Variants in DAPK1 observed in about 807,000 individuals in gnomAD.
DAPK1 encodes the protein death-associated protein kinase 1.
DAPK1 carries 56 observed loss-of-function variants against 144.9 expected under a neutral mutation model. The ratio of observed to expected loss-of-function variants is 0.39; its 90% CI spans 0.31 to 0.48. DAPK1 has a LOEUF of 0.48. Ranked by LOEUF, DAPK1 falls within the 20% of genes least tolerant of loss-of-function variation. The pLI is 0.95. For missense variants in DAPK1, 1,454 were observed against 1,875.4 expected (o/e 0.78, Z 4.15); for synonymous variants, 690 against 749.0 (o/e 0.92, Z 1.29).
chr9:87,584,937 A>C (rs1215936286), intron 2 of DAPK1, among the ~76,000 whole-genome samples: 1 of 152,160 alleles, frequency 6.6e-6, no homozygotes, highest in Non-Finnish European at 1.5e-5. Flanking sequence ...TCGGCCTCTC[A>C]AAGTTCTGGG....
chr9:87,639,322 A>G (rs773846172), intron 4 of DAPK1, 32 bp from the exon 5 acceptor site: 2 of 1,565,746 alleles, frequency 1.3e-6, no homozygotes, highest in Admixed American at 4.0e-5. Context: ...AACATATCAT[A>G]GCTTTTTATT....
chr9:87,608,790 A>G (rs1287013295), intron 3 of DAPK1, among the ~76,000 whole-genome samples: 1 of 152,170 alleles, frequency 6.6e-6, no homozygotes, highest in Non-Finnish European at 1.5e-5. Flanking sequence ...AGCTGGCCAC[A>G]TCCTTCACAG....
intron 2 of DAPK1, among the ~76,000 whole-genome samples, chr9:87,529,250 T>G (rs1455735658): frequency 6.6e-6 from 1 of 152,208 alleles, no homozygotes; most frequent in Non-Finnish European, 1.5e-5. Flanking sequence ...TTCAATAAGC[T>G]TTCACTCCTG....
chr9:87,629,900 T>G (rs556501421), intron 3 of DAPK1, among the ~76,000 whole-genome samples: 2 of 152,162 alleles, frequency 1.3e-5, no homozygotes, highest in African/African-American at 4.8e-5. Context: ...AGCATCCACC[T>G]GCGTGCTGGG....
intron 21 of DAPK1, among the ~76,000 whole-genome samples, chr9:87,696,476 A>G (rs1825264490): frequency 6.6e-6 from 1 of 152,192 alleles, no homozygotes; most frequent in Non-Finnish European, 1.5e-5. Flanking sequence ...GTAATTGATA[A>G]GAAAAGCGGT....
chr9:87,589,354 C>G (rs1828047212), intron 2 of DAPK1, among the ~76,000 whole-genome samples: 1 of 152,122 alleles, frequency 6.6e-6, no homozygotes, highest in Admixed American at 6.5e-5. Context: ...TGCCCAGAAG[C>G]AAAACCTTCT....
intron 21 of DAPK1, among the ~76,000 whole-genome samples, chr9:87,691,334 A>G (rs1275315828): frequency 6.6e-6 from 1 of 151,946 alleles, no homozygotes; most frequent in African/African-American, 2.4e-5. Flanking sequence ...ATCAGTTGTA[A>G]TACCTTACTT....
At chr9:87,644,674 A>G (rs780136616) in intron 11 of DAPK1, among the ~76,000 whole-genome samples, 21 of 152,196 alleles carry the variant, frequency 1.4e-4, no homozygotes, top group Non-Finnish European at 2.6e-4. Flanking sequence ...AGATAATGAG[A>G]ATGATTAAAG....
chr9:87,563,893 A>C (rs536291661), intron 2 of DAPK1, among the ~76,000 whole-genome samples: 1 of 152,280 alleles, frequency 6.6e-6, no homozygotes, highest in East Asian at 1.9e-4. Flanking sequence ...GTTCGTGCCC[A>C]ATGGTTGATC....
At position 87,643,440 on chromosome 9, in the gene DAPK1, T is replaced by C; in HGVS notation, c.983T>C (p.Met328Thr). Residue 328 changes from methionine to threonine, a missense_variant, in exon 11 of 26, where the codon ATG becomes ACG. Met to Thr is a moderately conservative substitution (Grantham distance 81). Coordinates refer to ENST00000408954, the MANE Select transcript of DAPK1 (RefSeq NM_004938.4). ...LSRSFLSRSN[M>T]SVARSDDTLD... is the part of the protein sequence containing the mutation. ...AGGTCATTCCTGTCCAGAAGTAACA[T>C]GAGTGTTGCCAGAAGCGATGATACT... 1 of 1,607,534 alleles carries C rather than the reference T, an allele frequency of 6.2e-7. No individual in the cohort carries two copies. The highest frequency in any genetic ancestry group is 1.1e-5 in the South Asian group (1 of 90,756).
At chr9:87,644,193 A>G (rs1830190390) in intron 11 of DAPK1, among the ~76,000 whole-genome samples, 1 of 152,168 alleles carries the variant, frequency 6.6e-6, no homozygotes, top group Non-Finnish European at 1.5e-5. Context: ...TCCAATTTCT[A>G]GCCTTTATTT....
chr9:87,670,918 C>G (rs892345849), intron 19 of DAPK1, among the ~76,000 whole-genome samples: 2 of 152,174 alleles, frequency 1.3e-5, no homozygotes, highest in Non-Finnish European at 2.9e-5. Flanking sequence ...GTTCTGCTGC[C>G]CATGCCCCCT....
chr9:87,590,835 C>T (rs1270382015), intron 2 of DAPK1, among the ~76,000 whole-genome samples: 2 of 152,186 alleles, frequency 1.3e-5, no homozygotes, highest in African/African-American at 4.8e-5. Flanking sequence ...GGAATTCTCC[C>T]ACCTCAGCCT....
intron 18 of DAPK1, among the ~76,000 whole-genome samples, chr9:87,660,773 G>A (rs1016364581): frequency 3.9e-5 from 6 of 152,120 alleles, no homozygotes; most frequent in Non-Finnish European, 5.9e-5. Context: ...TTAGCATAAC[G>A]GCCTCCATTT....
intron 2 of DAPK1, among the ~76,000 whole-genome samples, chr9:87,595,399 C>T (rs916697361): frequency 6.6e-6 from 1 of 152,142 alleles, no homozygotes; most frequent in African/African-American, 2.4e-5. Flanking sequence ...AAATATTCTT[C>T]CAGATGGATC....
Position 87,698,792 on chromosome 9 carries a change from C to G in DAPK1, c.2748C>G (p.Asn916Lys). The change falls in exon 23 of 26, where the codon AAC (asparagine) becomes AAG (lysine). Residue 916 changes from asparagine (N) to lysine (K), a missense_variant and splice_region_variant. Transcript: ENST00000408954. ...KDTSLLKEIRNRFGNDLHISN... is the reference protein window; with the variant it reads ...KDTSLLKEIRKRFGNDLHISN... ...CATCGTTGCTGAAAGAGATTAGGAA[C>G]AGGTGAGGGGCAGCCACTTAGTCTC... 6.2e-7 allele frequency: 1 copy of G among 1,600,554 alleles called. No homozygotes were observed. Among genetic ancestry groups the G allele is most frequent in the Non-Finnish European group, 8.6e-7 (1 of 1,167,866 alleles).
intron 3 of DAPK1, among the ~76,000 whole-genome samples, chr9:87,637,286 G>T (rs7859320): frequency 0.035 from 5,267 of 152,024 alleles, 297 homozygotes; most frequent in African/African-American, 0.12. Flanking sequence ...TAGAGACGGT[G>T]TTTCTCCATG....
At chr9:87,665,801 G>A (rs1322635904) in intron 18 of DAPK1, among the ~76,000 whole-genome samples, 3 of 152,192 alleles carry the variant, frequency 2.0e-5, no homozygotes, top group Non-Finnish European at 4.4e-5. Flanking sequence ...AGTGTTGTGG[G>A]CTGCTGGTGC....
chr9:87,571,773 TG>T (rs891858451), intron 2 of DAPK1, among the ~76,000 whole-genome samples: 2 of 152,182 alleles, frequency 1.3e-5, no homozygotes, highest in Non-Finnish European at 2.9e-5. Flanking sequence ...TTTGGAGTTT[TG>T]GGGGATACCC....
Sources: gnomAD v4.1 joint callset for allele counts (sites outside exome capture counted in the v4.1 genomes callset) on GRCh38, gnomAD v4.1.1 for gene constraint, MANE v1.5 for transcripts, NCBI Gene and HGNC (gene_info 2026-07-23, HGNC 2026-07-21) for gene names.